POLN: variants seen among roughly 807,000 people sequenced by gnomAD.
POLN encodes the protein DNA polymerase N.
In POLN, 108 loss-of-function variants were observed where a neutral mutation model predicts 113.5. The ratio of observed to expected loss-of-function variants is 0.95; its 90% CI spans 0.81 to 1.12. The LOEUF (loss-of-function observed/expected upper bound fraction) is 1.12. Among genes scored for constraint, POLN ranks in the 50% most tolerant of loss-of-function variants. The pLI, the probability that POLN is intolerant of heterozygous loss-of-function variation, is 0.00. For synonymous variants in POLN, 386 were observed against 391.5 expected (o/e 0.99, Z 0.17); for missense variants, 1,097 against 1,077.1 (o/e 1.02, Z -0.26).
At chr4:2,236,482 G>C (rs1267933250) in intron 2 of POLN, 2 of 1,496,696 alleles carry the variant, frequency 1.3e-6, no homozygotes, top group South Asian at 1.1e-5. Context: ...TAAAATTATA[G>C]GGAAAAATTA....
intron 6 of POLN, among the ~76,000 whole-genome samples, chr4:2,195,250 A>T (rs1733545821): frequency 6.6e-6 from 1 of 152,218 alleles, no homozygotes; most frequent in South Asian, 2.1e-4. Context: ...TTGTCCTAGA[A>T]CTTATAAAAA....
chr4:2,176,134 C>A, intron 9 of POLN, 132 bp downstream of exon 9: 1 of 749,804 alleles, frequency 1.3e-6, no homozygotes, highest in East Asian at 2.6e-5. Context: ...CTGAGTAATG[C>A]ACAGGTTAAT....
chr4:2,205,132 T>A (rs1733812360), intron 5 of POLN, among the ~76,000 whole-genome samples: 1 of 152,090 alleles, frequency 6.6e-6, no homozygotes, highest in Admixed American at 6.5e-5. Context: ...TCCGAATCGA[T>A]AAAGAGGAAA....
chr4:2,131,298 T>A lies in POLN; in HGVS notation c.1732-8A>T. 1 of 1,556,564 alleles carries A rather than the reference T, an allele frequency of 6.4e-7. No individual in the cohort carries two copies. Among genetic ancestry groups the A allele is most frequent in the South Asian group, 1.1e-5 (1 of 89,192 alleles). On this transcript the variant is annotated splice_polypyrimidine_tract_variant and splice_region_variant and intron_variant, in intron 16 of 25. Coordinates refer to ENST00000511885, the MANE Select transcript of POLN (RefSeq NM_181808.4). ...GGAGATACCTTGGATATTCTGTTAA[T>A]AATAAGAGACTAGCTTTAGTTAAAA... is the stretch of plus-strand genomic sequence containing the variant.
intron 7 of POLN, among the ~76,000 whole-genome samples, chr4:2,187,128 AAAAGAG>A (rs1323208660): frequency 1.3e-5 from 2 of 152,220 alleles, no homozygotes; most frequent in East Asian, 3.8e-4. Context: ...AAATTGCCTC[AAAAGAG>A]CAAATCTAAG....
At chr4:2,187,852 T>C (rs1041156905) in intron 7 of POLN, among the ~76,000 whole-genome samples, 1 of 152,180 alleles carries the variant, frequency 6.6e-6, no homozygotes, top group Non-Finnish European at 1.5e-5. Context: ...GGCTGACACC[T>C]GTAATCCCAA....
At chr4:2,077,494 G>A (rs1489108231) in intron 23 of POLN, among the ~76,000 whole-genome samples, 14 of 152,232 alleles carry the variant, frequency 9.2e-5, no homozygotes, top group African/African-American at 3.4e-4. Flanking sequence ...CTCTGGCCAG[G>A]GGCCGTGGGC....
At chr4:2,215,851 ATT>A (rs1403527290) in intron 3 of POLN, among the ~76,000 whole-genome samples, 7 of 152,120 alleles carry the variant, frequency 4.6e-5, no homozygotes, top group Admixed American at 2.0e-4. Flanking sequence ...AAGGTTGCAA[ATT>A]ACATTCATCT....
chr4:2,100,077 AAAAAAAAAG>A (rs1299147577), intron 19 of POLN, among the ~76,000 whole-genome samples: 23 of 5,382 alleles, frequency 4.3e-3, no homozygotes, highest in Non-Finnish European at 0.015. Context: ...CTCAAAAAAG[AAAAAAAAAG>A]AAAAAGAAAA....
intron 17 of POLN, among the ~76,000 whole-genome samples, chr4:2,129,574 G>C (rs1731669291): frequency 6.6e-6 from 1 of 151,828 alleles, no homozygotes; most frequent in African/African-American, 2.4e-5. Flanking sequence ...ATTTCTTGTA[G>C]AGACAGGGTC....
chr4:2,241,030 C>T (rs777044956), intron 2 of POLN: 115 of 1,038,056 alleles, frequency 1.1e-4, no homozygotes, highest in Non-Finnish European at 1.5e-4. Context: ...AGAAAAAAAG[C>T]TACGTTTTAT....
At chr4:2,169,819 G>C (rs1190667402) in intron 13 of POLN, among the ~76,000 whole-genome samples, 1 of 152,214 alleles carries the variant, frequency 6.6e-6, no homozygotes, top group African/African-American at 2.4e-5. Flanking sequence ...GCTTGAAGAA[G>C]AAGAGGATTT....
In POLN at chr4:2,093,267, C is replaced by T. The variant is rs974897006; in HGVS notation, c.2065+2584G>A. Among the ~76,000 whole-genome samples, 3 of 152,224 alleles carry T rather than the reference C, an allele frequency of 2.0e-5. No homozygotes were observed. The highest frequency in any genetic ancestry group is 4.4e-5 in the Non-Finnish European group (3 of 68,038). On this transcript the variant is annotated intron_variant, in intron 20 of 25. Coordinates refer to ENST00000511885, the MANE Select transcript of POLN (RefSeq NM_181808.4). The surrounding 1 kb of genome is among the most constrained non-coding windows in gnomAD (Gnocchi z 4.1). The stretch of plus-strand genomic sequence containing the variant: ...CTCCTAGCTGGATTTGGGGTGGCTG[C>T]CCCCACTGGGGACAAGGCCGGGGCT...
intron 19 of POLN, among the ~76,000 whole-genome samples, chr4:2,118,252 A>T (rs1731362815): frequency 6.6e-6 from 1 of 152,208 alleles, no homozygotes; most frequent in African/African-American, 2.4e-5. Context: ...GTGTGTTGGC[A>T]GTAGGTATTG....
chr4:2,134,872 C>T (rs1221144523), intron 16 of POLN, among the ~76,000 whole-genome samples: 4 of 152,210 alleles, frequency 2.6e-5, no homozygotes, highest in African/African-American at 9.6e-5. Context: ...ATGAGTGAGA[C>T]AGAGAGGCAT....
At chr4:2,213,883 G>A (rs1734051800) in intron 3 of POLN, among the ~76,000 whole-genome samples, 1 of 152,136 alleles carries the variant, frequency 6.6e-6, no homozygotes, top group African/African-American at 2.4e-5. Flanking sequence ...ATTCCAATTG[G>A]AGACCCTACA....
At chr4:2,206,976 T>C (rs887074518) in intron 5 of POLN, among the ~76,000 whole-genome samples, 2 of 152,158 alleles carry the variant, frequency 1.3e-5, no homozygotes, top group African/African-American at 2.4e-5. Flanking sequence ...CAATTTGCAA[T>C]TGCAAAAACG....
At chr4:2,132,806 T>G (rs1399359361) in intron 16 of POLN, among the ~76,000 whole-genome samples, 2 of 152,248 alleles carry the variant, frequency 1.3e-5, no homozygotes, top group Non-Finnish European at 2.9e-5. Flanking sequence ...CTCTGTCATC[T>G]GCAGACCTGC....
chr4:2,134,947 T>G (rs1731817078), intron 16 of POLN, among the ~76,000 whole-genome samples: 1 of 152,182 alleles, frequency 6.6e-6, no homozygotes, highest in Non-Finnish European at 1.5e-5. Context: ...TCGACTAAAC[T>G]CCTTCCTTCT....
Sources: allele counts gnomAD v4.1 joint callset (sites outside exome capture counted in the v4.1 genomes callset), GRCh38; gene constraint gnomAD v4.1.1; non-coding constraint Gnocchi (gnomAD v3.1); transcripts MANE v1.5; gene names NCBI Gene and HGNC (gene_info 2026-07-23, HGNC 2026-07-21).